Variants in PAK2 observed in about 807,000 individuals in gnomAD.
PAK2 encodes serine/threonine-protein kinase PAK 2.
PAK2 carries 21 observed loss-of-function variants against 65.9 expected under a neutral mutation model. The observed-to-expected ratio is 0.32, with a 90% confidence interval of 0.23 to 0.46. PAK2 has a LOEUF of 0.46. Among genes scored for constraint, PAK2 ranks in the 20% least tolerant of loss-of-function variants. PAK2 has a pLI of 1.00. For missense variants in PAK2, 324 were observed against 642.6 expected (o/e 0.50, Z 5.36); for synonymous variants, 204 against 219.7 (o/e 0.93, Z 0.63).
At chr3:196,784,500 G>C (rs1360466694) in intron 2 of PAK2, among the ~76,000 whole-genome samples, 1 of 113,062 alleles carries the variant, frequency 8.8e-6, no homozygotes, top group Non-Finnish European at 1.8e-5. Flanking sequence ...TCTTGCGATA[G>C]TTTACTGAGA....
At chr3:196,749,115 G>A (rs1713485484) in intron 1 of PAK2, among the ~76,000 whole-genome samples, 1 of 151,502 alleles carries the variant, frequency 6.6e-6, no homozygotes, top group Admixed American at 6.6e-5. Context: ...TCCCATGTGT[G>A]TATTTACCTT....
At chr3:196,773,608 G>A (rs1230212195) in intron 1 of PAK2, among the ~76,000 whole-genome samples, 1 of 152,128 alleles carries the variant, frequency 6.6e-6, no homozygotes, top group African/African-American at 2.4e-5. Flanking sequence ...GGGCACAGTG[G>A]CTCATGCTTG....
At chr3:196,761,364 G>C (rs1156748125) in intron 1 of PAK2, among the ~76,000 whole-genome samples, 2 of 84,278 alleles carry the variant, frequency 2.4e-5, no homozygotes, top group Non-Finnish European at 4.6e-5. Context: ...GACTCTTAAC[G>C]AGCATGCTGC....
intron 5 of PAK2, among the ~76,000 whole-genome samples, 164 bp downstream of exon 5, chr3:196,805,547 A>G (rs948869286): frequency 1.3e-5 from 2 of 152,226 alleles, no homozygotes; most frequent in African/African-American, 4.8e-5. Flanking sequence ...AAGAAGCCGT[A>G]TTAAATAGAA....
rs1001248581 is a variant in PAK2 at position 196,739,872 on chromosome 3, G to A, written c.-307G>A. ...GCTCCCCGCCGTCTTCCTCCCCCAG[G>A]GTTGTGGCCACGCGCAGCGGCGGCG... On this transcript the variant is annotated 5_prime_UTR_variant, in exon 1 of 15. Coordinates refer to ENST00000327134, the MANE Select transcript of PAK2 (RefSeq NM_002577.4). 3 of 151,274 alleles carry A rather than the reference G, an allele frequency of 2.0e-5. No individual in the cohort carries two copies. The highest frequency in any genetic ancestry group is 7.4e-5 in the African/African-American group (3 of 40,692). 9.4% of individuals were successfully genotyped at this position (151,274 alleles called of 1,614,324 possible).
At chr3:196,748,272 C>T (rs1713457681) in intron 1 of PAK2, among the ~76,000 whole-genome samples, 1 of 152,190 alleles carries the variant, frequency 6.6e-6, no homozygotes, top group African/African-American at 2.4e-5. Context: ...AAGCCTCCTG[C>T]TCATCAACAT....
In PAK2 at chr3:196,799,573, A is replaced by C. The variant is rs550660035; in HGVS notation, c.188-2354A>C. ...GATGCCTTCGGCTACGTTATGACAC[A>C]ACAAGAAGGACCCTCACCAGGTGTG... is the stretch of plus-strand genomic sequence containing the variant. On this transcript the variant is annotated intron_variant, in intron 2 of 14. Coordinates refer to ENST00000327134, the MANE Select transcript of PAK2 (RefSeq NM_002577.4). Among the ~76,000 whole-genome samples, 28 of 152,310 alleles carry C rather than the reference A, an allele frequency of 1.8e-4. No homozygotes were observed. In the East Asian group the frequency reaches 5.4e-3, roughly 29 times the overall value.
intron 2 of PAK2, among the ~76,000 whole-genome samples, chr3:196,797,040 G>A (rs745838540): frequency 6.7e-6 from 1 of 148,398 alleles, no homozygotes; most frequent in Non-Finnish European, 1.5e-5. Flanking sequence ...ACATAAAATC[G>A]CTAAGGATAT....
chr3:196,789,450 A>G (rs2108746662), intron 2 of PAK2, among the ~76,000 whole-genome samples: 1 of 151,830 alleles, frequency 6.6e-6, no homozygotes, highest in South Asian at 2.1e-4. Context: ...ACACTGGGGT[A>G]ATGGTTTCAT....
intron 1 of PAK2, among the ~76,000 whole-genome samples, chr3:196,743,681 C>T (rs1713280288): frequency 6.6e-6 from 1 of 152,010 alleles, no homozygotes; most frequent in Non-Finnish European, 1.5e-5. Context: ...AACCTATATT[C>T]TCTACTATTC....
intron 1 of PAK2, among the ~76,000 whole-genome samples, chr3:196,742,869 G>A (rs751469049): frequency 4.6e-5 from 7 of 152,160 alleles, no homozygotes; most frequent in South Asian, 2.1e-4. Flanking sequence ...GCAGTGAGTC[G>A]AGATCGCGCC....
At chr3:196,748,630 G>A (rs981930390) in intron 1 of PAK2, among the ~76,000 whole-genome samples, 1 of 152,128 alleles carries the variant, frequency 6.6e-6, no homozygotes, top group East Asian at 1.9e-4. Flanking sequence ...TGCATCTGAG[G>A]TTCTTCCGTG....
At chr3:196,806,443 T>C (rs369733846) in intron 5 of PAK2, 136 bp from the exon 6 acceptor site, 4 of 600,920 alleles carry the variant, frequency 6.7e-6, no homozygotes, top group East Asian at 5.7e-5. Context: ...TTGAGTTATC[T>C]AAGAGCTAAT....
At chr3:196,751,206 A>T (rs1251295464) in intron 1 of PAK2, among the ~76,000 whole-genome samples, 3 of 152,134 alleles carry the variant, frequency 2.0e-5, no homozygotes, top group Admixed American at 6.5e-5. Flanking sequence ...ATTTTGTAGC[A>T]TATAGTATAG....
chr3:196,747,790 A>G (rs1049108768), intron 1 of PAK2, among the ~76,000 whole-genome samples: 2 of 152,190 alleles, frequency 1.3e-5, no homozygotes, highest in African/African-American at 4.8e-5. Flanking sequence ...AGTCGTTATT[A>G]ATAATTCTTA....
At chr3:196,804,117 TTGTC>T (rs1461740175) in intron 4 of PAK2, among the ~76,000 whole-genome samples, 7 of 152,194 alleles carry the variant, frequency 4.6e-5, no homozygotes, top group Admixed American at 2.6e-4. Context: ...TTCAATATGT[TTGTC>T]TGTCTCTGAA....
chr3:196,771,784 C>A (rs1335322036), intron 1 of PAK2, among the ~76,000 whole-genome samples: 1 of 152,068 alleles, frequency 6.6e-6, no homozygotes, highest in Non-Finnish European at 1.5e-5. Flanking sequence ...TCTCGAACTC[C>A]CGACCTCAGA....
At chr3:196,764,720 C>A (rs1193322059) in intron 1 of PAK2, among the ~76,000 whole-genome samples, 2 of 151,922 alleles carry the variant, frequency 1.3e-5, no homozygotes, top group African/African-American at 4.8e-5. Context: ...CGTCTTGCCA[C>A]GTTGCCCAGG....
At chr3:196,764,905 C>T (rs1367743473) in intron 1 of PAK2, among the ~76,000 whole-genome samples, 4 of 137,752 alleles carry the variant, frequency 2.9e-5, no homozygotes, top group South Asian at 2.3e-4. Flanking sequence ...TGCAGTGGTG[C>T]GATCTCGGCT....
Sources: allele counts gnomAD v4.1 joint callset (sites outside exome capture counted in the v4.1 genomes callset), GRCh38; gene constraint gnomAD v4.1.1; transcripts MANE v1.5; gene names NCBI Gene and HGNC (gene_info 2026-07-23, HGNC 2026-07-21).